The following MRI1 variants were observed in gnomAD, a reference collection of about 807,000 sequenced individuals.
The protein encoded by MRI1 is methylthioribose-1-phosphate isomerase 1.
MRI1 carries 32 observed loss-of-function variants against 27.3 expected under a neutral mutation model. That is an observed-to-expected ratio of 1.17 (90% CI 0.88 to 1.57). The LOEUF (loss-of-function observed/expected upper bound fraction) is 1.57, where lower values mean the gene tolerates loss of function less well. MRI1 is among the 40% of genes most tolerant of loss of function. The pLI is 0.00. For missense variants in MRI1, 508 were observed against 516.1 expected, an observed-to-expected ratio of 0.98 and a Z score of 0.15; for synonymous variants, 216 against 227.4, an observed-to-expected ratio of 0.95 and a Z score of 0.45.
rs1438407988 is a variant in MRI1 at position 13,772,336 on chromosome 19, T to C, written c.*55T>C. 9 of 1,550,160 alleles carry C rather than the reference T, an allele frequency of 5.8e-6. No individual in the cohort carries two copies. The Admixed American group carries it at 9.2e-5, about 16-fold the overall frequency. ...TAGGTTTTTCAATACATTTCTTGAA[T>C]GGCTACCCAAAAGCTGACCGTCCAG... On this transcript the variant is annotated 3_prime_UTR_variant, in exon 6 of 6. Transcript: ENST00000040663.
At position 13,768,723 on chromosome 19, in the gene MRI1, A is replaced by G. The variant is rs1974201493; in HGVS notation, c.710A>G (p.His237Arg). 5 of 1,613,238 alleles carry G rather than the reference A, an allele frequency of 3.1e-6. No individual in the cohort carries two copies. Among genetic ancestry groups the G allele is most frequent in the East Asian group, 2.2e-5 (1 of 44,890 alleles). Residue 237 changes from histidine to arginine, a missense_variant, in exon 4 of 6, where the codon CAT (histidine) becomes CGT (arginine). His to Arg is a conservative substitution (Grantham distance 29). Coordinates refer to ENST00000040663, the MANE Select transcript of MRI1 (RefSeq NM_001031727.4). The part of the protein sequence containing the change: ...TDSMVAAAMA[H>R]RGVSAVVVGA... ...AGCATGGTGGCTGCTGCCATGGCCC[A>G]TAGGGGCGTGTCAGGTAAGCAGACG...
chr19:13,765,158 C>T, intron 2 of MRI1, 49 bp downstream of exon 2: 25 of 1,407,672 alleles, frequency 1.8e-5, no homozygotes, highest in Non-Finnish European at 2.4e-5. Context: ...ATTATATTGA[C>T]TCTTTTTAAG....
chr19:13,764,766 G>GC (rs1568306155), intron 1 of MRI1, 46 bp downstream of exon 1: 1 of 779,276 alleles, frequency 1.3e-6, no homozygotes, highest in South Asian at 4.5e-5. Flanking sequence ...CGGCGGGGCG[G>GC]CGGGGCGGCG....
intron 2 of MRI1, among the ~76,000 whole-genome samples, chr19:13,765,620 C>G (rs1219389122): frequency 6.6e-6 from 1 of 152,184 alleles, no homozygotes; most frequent in Admixed American, 6.5e-5. Flanking sequence ...TATGATCCAG[C>G]TCACCCGCTG....
intron 2 of MRI1, among the ~76,000 whole-genome samples, chr19:13,765,536 G>C (rs940735864): frequency 5.3e-5 from 8 of 152,042 alleles, no homozygotes; most frequent in African/African-American, 1.7e-4. Context: ...CACCAAGCTC[G>C]AGCCTGCCTT....
intron 3 of MRI1, 21 bp downstream of exon 3, chr19:13,766,150 G>A (rs762646366): frequency 1.4e-5 from 21 of 1,502,012 alleles, no homozygotes; most frequent in Non-Finnish European, 1.8e-5. Context: ...CTCCTCAGGG[G>A]GTAGGGGAGG....
rs1568312487 is a variant in MRI1 at position 13,772,209 on chromosome 19, T to C, written c.1038T>C (p.Pro346=). ...TCACAGAACTGGGGGTCTTTGCCCC[T>C]GAGGAGCTCCGGACAGCCCTAACCA... ...GIITELGVFA[P]EELRTALTTT... The change falls in exon 6 of 6, where the codon CCT becomes CCC. Residue 346 remains proline, a synonymous_variant. Transcript: ENST00000040663. 1 of 1,614,030 alleles carries C rather than the reference T, an allele frequency of 6.2e-7. No individual in the cohort carries two copies. Among genetic ancestry groups the C allele is most frequent in the East Asian group, 2.2e-5 (1 of 44,882 alleles).
intron 2 of MRI1, among the ~76,000 whole-genome samples, chr19:13,765,369 A>AT (rs1974099378): frequency 2.0e-5 from 3 of 152,122 alleles, no homozygotes; most frequent in Admixed American, 2.0e-4. Context: ...GAATACACGC[A>AT]GCCCCTTATC....
chr19:13,765,560 G>A (rs901886421), intron 2 of MRI1, among the ~76,000 whole-genome samples: 1 of 152,004 alleles, frequency 6.6e-6, no homozygotes, highest in Non-Finnish European at 1.5e-5. Context: ...GCCTTTGCAC[G>A]TGCCATTGGT....
At chr19:13,768,436 G>C in intron 3 of MRI1, 125 bp from the exon 4 acceptor site, 4 of 1,556,610 alleles carry the variant, frequency 2.6e-6, no homozygotes, top group Non-Finnish European at 3.5e-6. Context: ...CCCCTGGGCG[G>C]GACTGTGCTC....
rs1352996510 is a variant in MRI1 at position 13,768,592 on chromosome 19, C to T, written c.579C>T (p.Arg193=). The T allele has an allele frequency of 7.4e-6, 12 of 1,611,224 alleles. No homozygotes were observed. The East Asian group carries it at 2.7e-4, about 36-fold the overall frequency. ...TTCGCTCACTGCACAGCCTGGGCCG[C>T]CTGGAGCATGCCTTCTGCACAGAGA... ...GVIRSLHSLG[R]LEHAFCTETR... The change falls in exon 4 of 6, where the codon CGC becomes CGT. Residue 193 remains arginine (R), a synonymous_variant. Coordinates refer to ENST00000040663, the MANE Select transcript of MRI1 (RefSeq NM_001031727.4).
intron 5 of MRI1, among the ~76,000 whole-genome samples, chr19:13,770,085 G>T (rs763520171): frequency 2.6e-5 from 4 of 152,134 alleles, no homozygotes; most frequent in Non-Finnish European, 5.9e-5. Context: ...ACAGGTGTGA[G>T]CTCCCATGCC....
chr19:13,768,550 G>A lies in MRI1; in HGVS notation c.548-11G>A, dbSNP rs757577175. The A allele has an allele frequency of 6.3e-7, 1 of 1,598,404 alleles. No individual in the cohort carries two copies. Among genetic ancestry groups the A allele is most frequent in the South Asian group, 1.1e-5 (1 of 89,314 alleles). On this transcript the variant is annotated splice_polypyrimidine_tract_variant and intron_variant, in intron 3 of 5. Transcript: ENST00000040663. ...CCCGGGGCCTTCTCCTGGTGGGTGG[G>A]GCCCCCGCAGGTGTGATTCGCTCAC... is the stretch of plus-strand genomic sequence containing the variant.
Position 13,774,069 on chromosome 19 carries a change from G to A in MRI1, c.*1788G>A, listed in dbSNP as rs912706612. 1.8e-5 allele frequency: 3 copies of A among 164,934 alleles called. No homozygotes were observed. The highest frequency in any genetic ancestry group is 7.2e-5 in the African/African-American group (3 of 41,722). 10.2% of individuals were successfully genotyped at this position (164,934 alleles called of 1,614,324 possible). A position where few individuals can be genotyped will look rare whatever the true frequency, so the allele number is the denominator to read the frequency against. On this transcript the variant is annotated 3_prime_UTR_variant, in exon 6 of 6. Transcript: ENST00000040663. Reference sequence around the variant, plus strand: ...TTATGCTGCCGGTCTGCAGGATGTAGTTTAACAATTTGATTATTTTGGATA... The same window carrying A: ...TTATGCTGCCGGTCTGCAGGATGTAATTTAACAATTTGATTATTTTGGATA...
At position 13,764,552 on chromosome 19, in the gene MRI1, G is replaced by T. The variant is rs200149723; in HGVS notation, c.-37G>T. ...GCTCCCAAGTGCGCGCGGACCCCTA[G>T]CTCCCTCTGAGTTGCGCTGGGCTTG... On this transcript the variant is annotated 5_prime_UTR_variant, in exon 1 of 6. Coordinates refer to ENST00000040663, the MANE Select transcript of MRI1 (RefSeq NM_001031727.4). 45 of 1,597,202 alleles carry T rather than the reference G, an allele frequency of 2.8e-5. No homozygotes were observed. The highest frequency in any genetic ancestry group is 3.5e-5 in the Non-Finnish European group (41 of 1,173,178).
Position 13,768,747 on chromosome 19 carries a change from C to G in MRI1, c.724+10C>G, listed in dbSNP as rs117390228. 1.2e-6 allele frequency: 2 copies of G among 1,609,300 alleles called. No individual in the cohort carries two copies. Among genetic ancestry groups the G allele is most frequent in the Non-Finnish European group, 1.7e-6 (2 of 1,177,016 alleles). On this transcript the variant is annotated intron_variant, in intron 4 of 5. Transcript: ENST00000040663. ...CATAGGGGCGTGTCAGGTAAGCAGA[C>G]GGTAAGCCCTGGGGGCGGGGCTCTG...
chr19:13,767,666 G>A (rs346151), intron 3 of MRI1, among the ~76,000 whole-genome samples: 72,922 of 150,858 alleles, frequency 0.48, 18,127 homozygotes, highest in East Asian at 0.65. Flanking sequence ...TTAGCTGGGT[G>A]TAGTGGTATG....
chr19:13,767,037 A>ATCTTTTTTT (rs1974149223), intron 3 of MRI1, among the ~76,000 whole-genome samples: 1 of 21,128 alleles, frequency 4.7e-5, no homozygotes, highest in Non-Finnish European at 8.3e-5. Context: ...ATATATATAT[A>ATCTTTTTTT]TTTTTTTTTT....
intron 5 of MRI1, among the ~76,000 whole-genome samples, chr19:13,769,531 G>A (rs192899049): frequency 1.9e-3 from 294 of 152,210 alleles, no homozygotes; most frequent in Middle Eastern, 6.8e-3. Context: ...ACAACTAACC[G>A]GTTATATGAA....
Sources: gnomAD v4.1 joint callset for allele counts (sites outside exome capture counted in the v4.1 genomes callset) on GRCh38, gnomAD v4.1.1 for gene constraint, MANE v1.5 for transcripts, NCBI Gene and HGNC (gene_info 2026-07-23, HGNC 2026-07-21) for gene names.